The following LIPM variants were observed in gnomAD, a reference collection of about 807,000 sequenced individuals.
LIPM encodes the protein lipase member M.
LIPM carries 42 observed loss-of-function variants against 42.4 expected under a neutral mutation model. The ratio of observed to expected loss-of-function variants is 0.99; its 90% confidence interval spans 0.77 to 1.28. The LOEUF is 1.28. LIPM is among the 50% of genes most tolerant of loss of function. The probability of loss-of-function intolerance (pLI) is 0.00; values close to 1 mark genes in which losing one functional copy is unlikely to be tolerated. For missense variants in LIPM, 524 were observed against 520.1 expected (o/e 1.01, Z -0.07); for synonymous variants, 177 against 173.3 (o/e 1.02, Z -0.17).
At chr10:88,817,718 C>T (rs1286844174) in intron 7 of LIPM, 107 bp from the exon 8 acceptor site, 12 of 694,842 alleles carry the variant, frequency 1.7e-5, no homozygotes, top group South Asian at 7.0e-5. Context: ...TCAACCATTG[C>T]TCTCTCCTTC....
chr10:88,819,148 C>G (rs1202209092), intron 8 of LIPM, among the ~76,000 whole-genome samples: 1 of 152,116 alleles, frequency 6.6e-6, no homozygotes, highest in Non-Finnish European at 1.5e-5. Flanking sequence ...CCTCAGCCTC[C>G]CAAAGTGCTG....
Position 88,815,134 on chromosome 10 carries a change from A to C in LIPM, c.621A>C (p.Lys207Asn). 1 of 1,551,034 alleles carries C rather than the reference A, an allele frequency of 6.4e-7. No individual in the cohort carries two copies. Among genetic ancestry groups the C allele is most frequent in the Non-Finnish European group, 8.7e-7 (1 of 1,146,784 alleles). Residue 207 changes from lysine (K) to asparagine (N), a missense_variant, in exon 5 of 9, where the codon AAA (lysine) becomes AAC (asparagine). Coordinates refer to ENST00000404743, the MANE Select transcript of LIPM (RefSeq NM_001128215.1). ...TGCCAGAGCTGGCTCAGAAAATCAA[A>C]ATGTATTTTGCTTTAGCACCCATAG... Reference protein sequence around the residue: ...STMPELAQKIKMYFALAPIAT... With the variant: ...STMPELAQKINMYFALAPIAT...
At chr10:88,803,179 A>G (rs773608635) in intron 1 of LIPM, 136 bp downstream of exon 1, 84 of 984,820 alleles carry the variant, frequency 8.5e-5, no homozygotes, top group Non-Finnish European at 1.2e-4. Context: ...AGCAAATTGT[A>G]CTGGAAAGAA....
At chr10:88,818,766 C>T (rs1407473954) in intron 8 of LIPM, among the ~76,000 whole-genome samples, 1 of 152,212 alleles carries the variant, frequency 6.6e-6, no homozygotes, top group Non-Finnish European at 1.5e-5. Flanking sequence ...ACAAACTGTG[C>T]AGTGCCCCTG....
intron 1 of LIPM, among the ~76,000 whole-genome samples, chr10:88,805,006 A>G (rs1256017704): frequency 1.3e-5 from 2 of 152,150 alleles, no homozygotes; most frequent in African/African-American, 4.8e-5. Flanking sequence ...TCTGTCCTGC[A>G]TTGATTTGAC....
intron 3 of LIPM, among the ~76,000 whole-genome samples, chr10:88,814,060 C>A (rs956743052): frequency 1.3e-5 from 2 of 152,102 alleles, no homozygotes; most frequent in East Asian, 1.9e-4. Flanking sequence ...ACCTAGGGAC[C>A]ATCGATTTGA....
In LIPM at chr10:88,817,899, A is replaced by T. The variant is rs1200210366; in HGVS notation, c.1002+3A>T. On this transcript the variant is annotated splice_donor_region_variant and intron_variant, in intron 8 of 8. Transcript: ENST00000404743. ...AAAATCTGGAAAAATGCAATCAGGT[A>T]AGAAAATCAAATACCATCTGCTGAA... 6.5e-7 allele frequency: 1 copy of T among 1,548,712 alleles called. No individual in the cohort carries two copies.
At chr10:88,819,359 T>C (rs563076405) in intron 8 of LIPM, among the ~76,000 whole-genome samples, 10 of 152,306 alleles carry the variant, frequency 6.6e-5, no homozygotes, top group Non-Finnish European at 1.3e-4. Context: ...GTTCAATCTT[T>C]TCACCTGTAA....
At chr10:88,820,066 T>TA (rs1310320199) in intron 8 of LIPM, among the ~76,000 whole-genome samples, 166 bp from the exon 9 acceptor site, 4 of 152,316 alleles carry the variant, frequency 2.6e-5, no homozygotes, top group Non-Finnish European at 5.9e-5. Flanking sequence ...AATTTTACCT[T>TA]AAAGTAAGGG....
intron 1 of LIPM, 106 bp from the exon 2 acceptor site, chr10:88,808,192 A>T: frequency 1.5e-6 from 1 of 648,442 alleles, no homozygotes; most frequent in Non-Finnish European, 2.8e-6. Flanking sequence ...AAAAGCAAGG[A>T]CTTTCACTGT....
At chr10:88,812,215 T>A (rs1319304657) in intron 2 of LIPM, among the ~76,000 whole-genome samples, 1 of 152,218 alleles carries the variant, frequency 6.6e-6, no homozygotes, top group Non-Finnish European at 1.5e-5. Context: ...ATATCTTTCT[T>A]GGTTCATCAT....
In LIPM at chr10:88,806,740, A is replaced by T. The variant is rs1843593013; in HGVS notation, c.148-1558A>T. 2.6e-5 allele frequency among the ~76,000 whole-genome samples: 4 copies of T among 152,220 alleles called. No individual in the cohort carries two copies. In the South Asian group the frequency reaches 6.2e-4, roughly 24 times the overall value. On this transcript the variant is annotated intron_variant, in intron 1 of 8. Coordinates refer to ENST00000404743, the MANE Select transcript of LIPM (RefSeq NM_001128215.1). ...TCCCTCTGTCACCAGGTTGGAGTGC[A>T]GTGGCGCGATCTTGGCTCACTGTAA...
At chr10:88,811,784 C>T (rs1019129125) in intron 2 of LIPM, among the ~76,000 whole-genome samples, 2 of 152,120 alleles carry the variant, frequency 1.3e-5, no homozygotes, top group African/African-American at 2.4e-5. Context: ...TTTCCAAAAC[C>T]TTTGATGGTA....
intron 1 of LIPM, among the ~76,000 whole-genome samples, chr10:88,805,685 G>A (rs1028497290): frequency 2.6e-5 from 4 of 152,032 alleles, no homozygotes; most frequent in East Asian, 1.9e-4. Context: ...ATTTCCCAAC[G>A]TTTTAAATAC....
At chr10:88,807,058 T>C (rs1843597998) in intron 1 of LIPM, among the ~76,000 whole-genome samples, 1 of 152,196 alleles carries the variant, frequency 6.6e-6, no homozygotes, top group African/African-American at 2.4e-5. Context: ...TACACTGCAT[T>C]CCATAATATT....
intron 8 of LIPM, among the ~76,000 whole-genome samples, chr10:88,818,276 A>G (rs1843742277): frequency 6.6e-6 from 1 of 152,254 alleles, no homozygotes; most frequent in Admixed American, 6.5e-5. Context: ...TAAAAGGAAC[A>G]TTAAATGGCA....
chr10:88,814,693 C>A, intron 4 of LIPM, 54 bp downstream of exon 4: 1 of 1,298,810 alleles, frequency 7.7e-7, no homozygotes, highest in Non-Finnish European at 1.1e-6. Flanking sequence ...GAGCATACGA[C>A]ACTAGCTATC....
Position 88,816,817 on chromosome 10 carries a change from G to T in LIPM, c.860G>T (p.Ser287Ile). ...GGFNTNNMNMSRASVYAAHTL... is the reference protein window; with the variant it reads ...GGFNTNNMNMIRASVYAAHTL... The stretch of plus-strand genomic sequence containing the variant: ...CAGAATACTCATGGTTTGTTACAGA[G>T]CCGAGCAAGTGTATATGCTGCCCAC... The change falls in exon 7 of 9, where the codon AGC becomes ATC. Residue 287 changes from serine (S) to isoleucine (I), a missense_variant and splice_region_variant. Ser to Ile is a moderately radical substitution (Grantham distance 142). Transcript: ENST00000404743. 4.5e-6 allele frequency: 7 copies of T among 1,550,530 alleles called. No individual in the cohort carries two copies. Among genetic ancestry groups the T allele is most frequent in the Non-Finnish European group, 6.1e-6 (7 of 1,145,958 alleles).
At chr10:88,806,716 C>T (rs999632163) in intron 1 of LIPM, among the ~76,000 whole-genome samples, 3 of 152,040 alleles carry the variant, frequency 2.0e-5, no homozygotes, top group Admixed American at 6.6e-5. Flanking sequence ...GATGGAGTCT[C>T]CCTCTGTCAC....
Sources: allele counts gnomAD v4.1 joint callset (sites outside exome capture counted in the v4.1 genomes callset), GRCh38; gene constraint gnomAD v4.1.1; transcripts MANE v1.5; gene names NCBI Gene and HGNC (gene_info 2026-07-23, HGNC 2026-07-21).